ZFPM1: variants seen among roughly 807,000 people sequenced by gnomAD.
The protein encoded by ZFPM1 is zinc finger protein, FOG family member 1.
Under a neutral mutation model 46.3 loss-of-function variants are expected in ZFPM1, and 28 were observed. The ratio of observed to expected loss-of-function variants is 0.60; its 90% CI spans 0.45 to 0.83. ZFPM1 has a LOEUF of 0.83. ZFPM1 is among the 40% of genes least tolerant of loss of function. ZFPM1 has a pLI of 0.00. For missense variants in ZFPM1, 1,878 were observed against 1,432.4 expected (o/e 1.31, Z -5.02); for synonymous variants, 957 against 675.9 (o/e 1.42, Z -6.45).
intron 3 of ZFPM1, among the ~76,000 whole-genome samples, chr16:88,505,244 G>C (rs895098988): frequency 1.3e-5 from 2 of 152,156 alleles, no homozygotes; most frequent in Admixed American, 6.5e-5. Flanking sequence ...CATGGCCCCT[G>C]AGCCTGCTGC....
At position 88,480,927 on chromosome 16, in the gene ZFPM1, G is replaced by A. The variant is rs770294256; in HGVS notation, c.41-5012G>A. 3.3e-5 allele frequency among the ~76,000 whole-genome samples: 5 copies of A among 152,216 alleles called. No individual in the cohort carries two copies. The highest frequency in any genetic ancestry group is 7.2e-5 in the African/African-American group (3 of 41,460). ...GCCGGGAGGGGCCACCTTAATCGTC[G>A]GTGTGGGGACTTGGAAGGGAGCTGG... is the stretch of plus-strand genomic sequence containing the variant. On this transcript the variant is annotated intron_variant, in intron 1 of 9. Transcript: ENST00000319555. This position sits in a 1 kb window ranked among gnomAD's most constrained non-coding sequence, Gnocchi z 4.9.
At chr16:88,486,207 C>T (rs982515267) in intron 2 of ZFPM1, among the ~76,000 whole-genome samples, 164 bp downstream of exon 2, 3 of 152,222 alleles carry the variant, frequency 2.0e-5, no homozygotes, top group African/African-American at 4.8e-5. Context: ...CGGAGGCCCT[C>T]GGTGGGGCTG....
intron 1 of ZFPM1, among the ~76,000 whole-genome samples, chr16:88,457,419 TCA>T (rs1233838023): frequency 6.6e-6 from 1 of 152,234 alleles, no homozygotes; most frequent in African/African-American, 2.4e-5. Context: ...TCCACAGCTC[TCA>T]GTTTCCCCCT....
Position 88,533,161 on chromosome 16 carries a change from C to T in ZFPM1, c.1203C>T (p.Ser401=). The change falls in exon 10 of 10, where the codon AGC becomes AGT. Residue 401 remains serine, a synonymous_variant. Transcript: ENST00000319555. ...ATKLPPDSLG[S]FQQQHTALQG... ...ATCTCTCTGCAGACAGTCTGGGCAG[C>T]TTCCAGCAGCAGCACACGGCCCTGC... 6.6e-7 allele frequency: 1 copy of T among 1,506,262 alleles called. No individual in the cohort carries two copies. The highest frequency in any genetic ancestry group is 8.8e-7 in the Non-Finnish European group (1 of 1,135,168). The allele number at this position is 1,506,262 out of a possible 1,614,324, so 93.3% of individuals were successfully genotyped here.
chr16:88,454,554 T>G (rs1011948460), intron 1 of ZFPM1, among the ~76,000 whole-genome samples: 3 of 152,180 alleles, frequency 2.0e-5, no homozygotes, highest in African/African-American at 7.2e-5. Context: ...TTCTCGCTGG[T>G]CCGGCTCCCT....
rs1913028939 is a variant in ZFPM1, at chr16:88,533,912, G to A, written c.1954G>A (p.Ala652Thr). ...GCGCGAGGAGGGGGCTGGGGGCGCGGCCACGCCCGAGGACGGCGCGGGCGG... is the reference window on the plus strand; with the variant it reads ...GCGCGAGGAGGGGGCTGGGGGCGCGACCACGCCCGAGGACGGCGCGGGCGG... ...GAREEGAGGA[A>T]TPEDGAGGRG... Residue 652 changes from alanine (A) to threonine (T), a missense_variant, in exon 10 of 10, where the codon GCC becomes ACC. Coordinates refer to ENST00000319555, the MANE Select transcript of ZFPM1 (RefSeq NM_153813.3). The A allele has an allele frequency of 1.7e-6, 2 of 1,145,082 alleles. No individual in the cohort carries two copies. Among genetic ancestry groups the A allele is most frequent in the South Asian group, 1.8e-5 (1 of 56,854 alleles). The allele number at this position is 1,145,082 out of a possible 1,614,324, so 70.9% of individuals were successfully genotyped here. A position where few individuals can be genotyped will look rare whatever the true frequency, so the allele number is the denominator to read the frequency against.
At chr16:88,491,801 G>C (rs965657648) in intron 3 of ZFPM1, among the ~76,000 whole-genome samples, 1 of 152,226 alleles carries the variant, frequency 6.6e-6, no homozygotes, top group Non-Finnish European at 1.5e-5. Flanking sequence ...GCTGATACGC[G>C]GCCGCTGGCC....
At chr16:88,484,343 G>T (rs973971402) in intron 1 of ZFPM1, among the ~76,000 whole-genome samples, 2 of 152,220 alleles carry the variant, frequency 1.3e-5, no homozygotes, top group African/African-American at 4.8e-5. Context: ...GGGATGGGGC[G>T]CTCAGCCCTC....
chr16:88,454,001 A>G (rs1047816042), intron 1 of ZFPM1, among the ~76,000 whole-genome samples: 2 of 152,132 alleles, frequency 1.3e-5, no homozygotes, highest in Non-Finnish European at 2.9e-5. Flanking sequence ...TGGTGCGGCG[A>G]TAGGGCGGCC....
intron 3 of ZFPM1, among the ~76,000 whole-genome samples, chr16:88,510,824 C>A (rs1910915427): frequency 6.6e-6 from 1 of 152,204 alleles, no homozygotes; most frequent in Non-Finnish European, 1.5e-5. Flanking sequence ...AGTTGCTTAA[C>A]CTCTCGGATC....
intron 6 of ZFPM1, chr16:88,530,974 G>A (rs1055558240): frequency 6.6e-6 from 1 of 152,320 alleles, no homozygotes; most frequent in Non-Finnish European, 1.5e-5. Context: ...GTGGCGAGCA[G>A]GCCGCAGAGG....
chr16:88,490,691 T>C (rs983470799), intron 3 of ZFPM1, among the ~76,000 whole-genome samples: 2 of 151,670 alleles, frequency 1.3e-5, no homozygotes, highest in African/African-American at 4.8e-5. Context: ...GAGAGAGGGG[T>C]GGGCCTGGGC....
At chr16:88,500,302 C>A (rs968732999) in intron 3 of ZFPM1, among the ~76,000 whole-genome samples, 2 of 152,254 alleles carry the variant, frequency 1.3e-5, no homozygotes, top group East Asian at 3.9e-4. Context: ...GGGGACACAG[C>A]CAGCTCCCCC....
chr16:88,474,555 C>T (rs774005487), intron 1 of ZFPM1, among the ~76,000 whole-genome samples: 8 of 152,326 alleles, frequency 5.3e-5, no homozygotes, highest in Non-Finnish European at 2.9e-5. Context: ...ATCCCTGGGC[C>T]GTGCAGGGCT....
At chr16:88,454,468 A>G (rs1010734175) in intron 1 of ZFPM1, among the ~76,000 whole-genome samples, 3 of 152,130 alleles carry the variant, frequency 2.0e-5, no homozygotes, top group Non-Finnish European at 2.9e-5. Flanking sequence ...TGGCATCCCA[A>G]TGGGCTGCTC....
At chr16:88,475,388 C>T (rs12932335) in intron 1 of ZFPM1, among the ~76,000 whole-genome samples, 1,983 of 152,238 alleles carry the variant, frequency 0.013, 15 homozygotes, top group African/African-American at 0.023. Flanking sequence ...CTGTGATCCT[C>T]CTATGACGTG....
intron 1 of ZFPM1, among the ~76,000 whole-genome samples, chr16:88,457,164 G>A (rs776930239): frequency 6.6e-6 from 1 of 152,256 alleles, no homozygotes; most frequent in Non-Finnish European, 1.5e-5. Context: ...TTCCAGAGAG[G>A]GCTGGGTTGG....
chr16:88,490,289 T>C (rs1909489371), intron 3 of ZFPM1, among the ~76,000 whole-genome samples: 1 of 152,102 alleles, frequency 6.6e-6, no homozygotes, highest in Admixed American at 6.5e-5. Context: ...CCTGACCTCG[T>C]GATCCGCCCG....
Position 88,453,588 on chromosome 16 carries a change from G to T in ZFPM1, c.-51G>T. On this transcript the variant is annotated 5_prime_UTR_variant, in exon 1 of 10. Transcript: ENST00000319555. ...CGCCGCGCCCCCGCCGCCCGCCGCCGCCCGCCCGGGGCTAGAGGCGGCCGC... is the reference window on the plus strand; with the variant it reads ...CGCCGCGCCCCCGCCGCCCGCCGCCTCCCGCCCGGGGCTAGAGGCGGCCGC... The T allele has an allele frequency of 1.0e-6, 1 of 981,048 alleles. No individual in the cohort carries two copies. Among genetic ancestry groups the T allele is most frequent in the South Asian group, 4.1e-5 (1 of 24,454 alleles). The allele number at this position is 981,048 out of a possible 1,614,324, so 60.8% of individuals were successfully genotyped here. A position where few individuals can be genotyped will look rare whatever the true frequency, so the allele number is the denominator to read the frequency against.
Sources: allele counts gnomAD v4.1 joint callset (sites outside exome capture counted in the v4.1 genomes callset), GRCh38; gene constraint gnomAD v4.1.1; non-coding constraint Gnocchi (gnomAD v3.1); transcripts MANE v1.5; gene names NCBI Gene and HGNC (gene_info 2026-07-23, HGNC 2026-07-21).